UGGT2: variants seen among roughly 807,000 people sequenced by gnomAD.
UGGT2 encodes UDP-glucose:glycoprotein glucosyltransferase 2.
Under a neutral mutation model 192.1 loss-of-function variants are expected in UGGT2, and 180 were observed. The ratio of observed to expected loss-of-function variants is 0.94; its 90% CI spans 0.83 to 1.06. The LOEUF (loss-of-function observed/expected upper bound fraction) is 1.06, where lower values mean the gene tolerates loss of function less well. Ranked by LOEUF, UGGT2 falls within the 50% of genes least tolerant of loss-of-function variation. The pLI, the probability that UGGT2 is intolerant of heterozygous loss-of-function variation, is 0.00. For synonymous variants in UGGT2, 580 were observed against 591.0 expected, an observed-to-expected ratio of 0.98 and a Z score of 0.27; for missense variants, 1,849 against 1,795.7, an observed-to-expected ratio of 1.03 and a Z score of -0.54.
intron 36 of UGGT2, among the ~76,000 whole-genome samples, chr13:95,845,969 C>T (rs907161651): frequency 2.0e-5 from 3 of 151,644 alleles, no homozygotes; most frequent in Admixed American, 6.6e-5. Context: ...GGGCTCCTCA[C>T]ATCCCAGATG....
intron 27 of UGGT2, among the ~76,000 whole-genome samples, chr13:95,880,626 A>G (rs2047465898): frequency 1.3e-5 from 2 of 152,228 alleles, no homozygotes; most frequent in Non-Finnish European, 2.9e-5. Context: ...GTCCAAAAAT[A>G]AGTGGAAAAT....
chr13:96,018,264 C>G (rs2052399737), intron 4 of UGGT2, among the ~76,000 whole-genome samples: 1 of 151,984 alleles, frequency 6.6e-6, no homozygotes, highest in Non-Finnish European at 1.5e-5. Flanking sequence ...GTCTGTAATC[C>G]CAGCACTCTG....
intron 38 of UGGT2, chr13:95,809,562 A>G (rs1884478406): frequency 6.6e-6 from 2 of 304,290 alleles, no homozygotes; most frequent in African/African-American, 4.5e-5. Context: ...TCCTCTCATG[A>G]GCTACTCCTT....
intron 17 of UGGT2, among the ~76,000 whole-genome samples, chr13:95,934,746 C>T (rs1048061944): frequency 1.7e-4 from 26 of 152,068 alleles, no homozygotes; most frequent in South Asian, 6.2e-4. Context: ...TCAGCTCAAG[C>T]GATCCTCTTG....
At chr13:95,905,522 C>T (rs1269379766) in intron 20 of UGGT2, among the ~76,000 whole-genome samples, 1 of 151,558 alleles carries the variant, frequency 6.6e-6, no homozygotes, top group Admixed American at 6.6e-5. Context: ...TATGGCTAGC[C>T]AGTTTTCCCA....
At chr13:95,820,843 G>A (rs1354569072) in intron 38 of UGGT2, among the ~76,000 whole-genome samples, 6 of 151,900 alleles carry the variant, frequency 3.9e-5, no homozygotes, top group Non-Finnish European at 7.4e-5. Flanking sequence ...TTATAAATGA[G>A]AACATACGGT....
chr13:95,868,823 C>T (rs188802336), intron 29 of UGGT2, among the ~76,000 whole-genome samples: 51 of 152,180 alleles, frequency 3.4e-4, no homozygotes, highest in African/African-American at 1.1e-3. Context: ...AATCTCTTTC[C>T]ACTTCCATCA....
chr13:95,885,018 C>T (rs1466778075), intron 26 of UGGT2, among the ~76,000 whole-genome samples: 1 of 152,112 alleles, frequency 6.6e-6, no homozygotes, highest in Admixed American at 6.5e-5. Context: ...TCAAATCTGA[C>T]CATGGTCTAT....
In UGGT2 at chr13:95,913,836, C is replaced by A. The variant is rs187475914; in HGVS notation, c.2296-10776G>T. Among the ~76,000 whole-genome samples the A allele has an allele frequency of 2.7e-3, 417 of 152,226 alleles. 2 individuals are homozygous for A. Among genetic ancestry groups the A allele is most frequent in the African/African-American group, 9.6e-3 (399 of 41,534 alleles). The stretch of plus-strand genomic sequence containing the variant: ...CAATAGCAAAGACTTGGAACCAACC[C>A]AAATGTCCATCAATGATAGACTGGA... On this transcript the variant is annotated intron_variant, in intron 20 of 38. Transcript: ENST00000376747.
chr13:96,040,295 A>G (rs774821427), intron 1 of UGGT2, among the ~76,000 whole-genome samples: 11 of 152,204 alleles, frequency 7.2e-5, no homozygotes, highest in Non-Finnish European at 4.4e-5. Context: ...GAAGGCTCTA[A>G]GGGAGACTGT....
At chr13:95,923,597 AATAAG>A (rs952395211) in intron 20 of UGGT2, among the ~76,000 whole-genome samples, 12 of 152,330 alleles carry the variant, frequency 7.9e-5, no homozygotes, top group African/African-American at 2.2e-4. Flanking sequence ...GTAATAAAAA[AATAAG>A]ATAAGCTACA....
chr13:95,830,758 C>T (rs1200194591), intron 38 of UGGT2, among the ~76,000 whole-genome samples: 1 of 152,278 alleles, frequency 6.6e-6, no homozygotes, highest in South Asian at 2.1e-4. Context: ...TACCATTTGA[C>T]CCAGCCATCC....
chr13:95,863,665 T>C lies in UGGT2; in HGVS notation c.3608A>G (p.Asp1203Gly). Residue 1203 changes from aspartate (D) to glycine (G), a missense_variant, in exon 31 of 39, where the codon GAT (aspartate) becomes GGT (glycine). Asp to Gly is a moderately conservative substitution (Grantham distance 94). Transcript: ENST00000376747. ...KIKEDILTDE[D>G]EKTKGLWDSI... The stretch of plus-strand genomic sequence containing the variant: ...ATCCCACAGTCCTTTTGTTTTTTCA[T>C]CTTCATCGGTAAGGATATCTTCCTT... 1.2e-6 allele frequency: 2 copies of C among 1,612,778 alleles called. No individual in the cohort carries two copies. Among genetic ancestry groups the C allele is most frequent in the Non-Finnish European group, 8.5e-7 (1 of 1,179,100 alleles).
intron 2 of UGGT2, among the ~76,000 whole-genome samples, chr13:96,029,085 A>G (rs1262789272): frequency 6.6e-6 from 1 of 152,018 alleles, no homozygotes; most frequent in Non-Finnish European, 1.5e-5. Context: ...CAGGAGGCGG[A>G]GCTGGCAGTT....
chr13:95,884,698 A>G lies in UGGT2; in HGVS notation c.3039-18T>C. On this transcript the variant is annotated intron_variant, in intron 26 of 38. Transcript: ENST00000376747. ...GGTAAAAGCTGTTAATAAAACATAA[A>G]AATACATAATGTGACCAAAACTGAG... 6.3e-7 allele frequency: 1 copy of G among 1,586,398 alleles called. No homozygotes were observed.
At chr13:95,875,254 A>C (rs181228387) in intron 29 of UGGT2, among the ~76,000 whole-genome samples, 1 of 152,230 alleles carries the variant, frequency 6.6e-6, no homozygotes, top group Non-Finnish European at 1.5e-5. Flanking sequence ...GTGTCTGTTC[A>C]AGTCTTTTGC....
intron 4 of UGGT2, among the ~76,000 whole-genome samples, chr13:96,020,516 T>TA (rs1377118824): frequency 6.6e-6 from 1 of 152,152 alleles, no homozygotes; most frequent in African/African-American, 2.4e-5. Flanking sequence ...TATAAGCATG[T>TA]AAAATACCAA....
chr13:96,000,416 GACAAATACTTA>G (rs1305017125), intron 5 of UGGT2, among the ~76,000 whole-genome samples: 3 of 152,148 alleles, frequency 2.0e-5, no homozygotes, highest in African/African-American at 7.2e-5. Context: ...CAGCTATTCA[GACAAATACTTA>G]ACATTGCTGC....
At chr13:96,015,004 C>T (rs565461972) in intron 4 of UGGT2, among the ~76,000 whole-genome samples, 5 of 152,054 alleles carry the variant, frequency 3.3e-5, no homozygotes, top group African/African-American at 4.8e-5. Flanking sequence ...GGCGGCCAGG[C>T]GCGGTGGCTC....
Sources: gnomAD v4.1 joint callset for allele counts (sites outside exome capture counted in the v4.1 genomes callset) on GRCh38, gnomAD v4.1.1 for gene constraint, MANE v1.5 for transcripts, NCBI Gene and HGNC (gene_info 2026-07-23, HGNC 2026-07-21) for gene names.